The following DAB2IP variants were observed in gnomAD, a reference collection of about 807,000 sequenced individuals.
The protein encoded by DAB2IP is disabled homolog 2-interacting protein.
A neutral mutation model predicts 107.2 loss-of-function variants in DAB2IP; 28 were observed. The ratio of observed to expected loss-of-function variants is 0.26; its 90% CI spans 0.19 to 0.36. The LOEUF (loss-of-function observed/expected upper bound fraction) is 0.36, where lower values mean the gene tolerates loss of function less well. Ranked by LOEUF, DAB2IP falls within the 10% of genes least tolerant of loss-of-function variation. DAB2IP has a pLI of 1.00. For synonymous variants in DAB2IP, 755 were observed against 706.4 expected, an observed-to-expected ratio of 1.07 and a Z score of -1.09; for missense variants, 1,400 against 1,644.7, an observed-to-expected ratio of 0.85 and a Z score of 2.57.
intron 1 of DAB2IP, among the ~76,000 whole-genome samples, chr9:121,620,418 T>A (rs758924738): frequency 6.6e-6 from 1 of 152,214 alleles, no homozygotes; most frequent in Non-Finnish European, 1.5e-5. Context: ...CTCTGGAGTC[T>A]GAATGGGTTT....
In DAB2IP at chr9:121,736,096, G is replaced by A. The variant is rs755979176; in HGVS notation, c.363-20917G>A. ...AGCTTAGGCTGTCTAGACCCAAGTC[G>A]GGGTGGGGAGTCGGGTTAGGGGATC... On this transcript the variant is annotated intron_variant, in intron 3 of 15. Coordinates refer to ENST00000408936, the Ensembl canonical transcript of DAB2IP. The surrounding 1 kb of genome is among the most constrained non-coding windows in gnomAD (Gnocchi z 4.6). Among the ~76,000 whole-genome samples, 4 of 152,250 alleles carry A rather than the reference G, an allele frequency of 2.6e-5. No homozygotes were observed. Among genetic ancestry groups the A allele is most frequent in the Non-Finnish European group, 4.4e-5 (3 of 68,056 alleles).
chr9:121,691,458 T>C (rs577886090), intron 2 of DAB2IP, among the ~76,000 whole-genome samples: 21 of 145,600 alleles, frequency 1.4e-4, no homozygotes, highest in African/African-American at 4.4e-4. Flanking sequence ...AAGGAAGTGA[T>C]AGCAGTGAGC....
intron 1 of DAB2IP, among the ~76,000 whole-genome samples, chr9:121,593,246 T>C (rs1830452478): frequency 6.6e-6 from 1 of 152,002 alleles, no homozygotes; most frequent in African/African-American, 2.4e-5. Context: ...CCACTGTGCT[T>C]GGCTTCTCTT....
At chr9:121,724,932 G>A (rs534829112) in intron 3 of DAB2IP, among the ~76,000 whole-genome samples, 25 of 152,242 alleles carry the variant, frequency 1.6e-4, no homozygotes, top group African/African-American at 5.8e-4. Context: ...GAACCATGAG[G>A]GTCTGAGAGG....
exon 11 of DAB2IP, chr9:121,770,587 G>A (rs1834647904): frequency 6.2e-7 from 1 of 1,614,158 alleles, no homozygotes; most frequent in Non-Finnish European, 8.5e-7. Context: ...GGATCCTGAG[G>A]GACGTCCACA....
chr9:121,759,516 A>G (rs958097660), intron 5 of DAB2IP, among the ~76,000 whole-genome samples: 2 of 152,224 alleles, frequency 1.3e-5, no homozygotes, highest in Admixed American at 6.5e-5. Context: ...CTTAAGTTAC[A>G]GTACAGACCA....
At chr9:121,774,512 G>C in intron 13 of DAB2IP, 100 bp downstream of exon 13, 6 of 1,379,304 alleles carry the variant, frequency 4.4e-6, no homozygotes, top group Non-Finnish European at 4.8e-6. Context: ...GGGTGCTGCT[G>C]TCCTTGTGAA....
At chr9:121,749,572 A>C (rs1258724073) in intron 3 of DAB2IP, among the ~76,000 whole-genome samples, 1 of 152,168 alleles carries the variant, frequency 6.6e-6, no homozygotes, top group Non-Finnish European at 1.5e-5. Flanking sequence ...TTGGGACCAC[A>C]CAGGCTGGTG....
At chr9:121,585,474 A>C (rs1043579252) in intron 1 of DAB2IP, among the ~76,000 whole-genome samples, 1 of 152,230 alleles carries the variant, frequency 6.6e-6, no homozygotes, top group Non-Finnish European at 1.5e-5. Flanking sequence ...ACAGGGCTGC[A>C]CGAGGGTTTG....
intron 3 of DAB2IP, among the ~76,000 whole-genome samples, chr9:121,703,198 A>G (rs573154946): frequency 6.6e-6 from 1 of 152,338 alleles, no homozygotes; most frequent in Non-Finnish European, 1.5e-5. Context: ...GCAGGAATCA[A>G]TTCTGCCCCT....
At chr9:121,660,979 A>G (rs1833176265) in intron 1 of DAB2IP, among the ~76,000 whole-genome samples, 1 of 152,174 alleles carries the variant, frequency 6.6e-6, no homozygotes, top group African/African-American at 2.4e-5. Flanking sequence ...GGAGAAGTCC[A>G]GGGGTCGTCC....
chr9:121,652,954 A>G (rs1318736832), intron 1 of DAB2IP, among the ~76,000 whole-genome samples: 1 of 152,148 alleles, frequency 6.6e-6, no homozygotes, highest in East Asian at 1.9e-4. Flanking sequence ...AGCACTGTGC[A>G]GTCCAGGGCT....
chr9:121,737,534 G>A, intron 3 of DAB2IP: 5 of 985,432 alleles, frequency 5.1e-6, no homozygotes, highest in Non-Finnish European at 6.0e-6. Context: ...ACCACCCTTG[G>A]GAATGGGCCT....
rs1052094099 is a variant in DAB2IP, at chr9:121,736,666, G to C, written c.363-20347G>C. 6.6e-6 allele frequency among the ~76,000 whole-genome samples: 1 copy of C among 152,234 alleles called. No individual in the cohort carries two copies. The highest frequency in any genetic ancestry group is 2.1e-4 in the South Asian group (1 of 4,834). The stretch of plus-strand genomic sequence containing the variant: ...GAATGCTCTGGGAGCAGCGCTCGGG[G>C]GAGGTTACCTTGGCGCGCCCCCAAA... On this transcript the variant is annotated intron_variant, in intron 3 of 15. Transcript: ENST00000408936. The surrounding 1 kb of genome is among the most constrained non-coding windows in gnomAD (Gnocchi z 4.6).
rs370311137 is a variant in DAB2IP at position 121,684,853 on chromosome 9, C to T, written c.228+6072C>T. Among the ~76,000 whole-genome samples, 54 of 152,316 alleles carry T rather than the reference C, an allele frequency of 3.5e-4. 1 individual carries two copies. The highest frequency in any genetic ancestry group is 1.2e-3 in the African/African-American group (50 of 41,580). ...CCCAGGATACTTGCTGGGGCTCCCT[C>T]CACTGGCCCAGGCTGCTGTGGGTCC... is the stretch of plus-strand genomic sequence containing the variant. On this transcript the variant is annotated intron_variant, in intron 2 of 15. Coordinates refer to ENST00000408936, the Ensembl canonical transcript of DAB2IP. This position sits in a 1 kb window ranked among gnomAD's most constrained non-coding sequence, Gnocchi z 4.0.
At chr9:121,780,050 T>G (rs1001858740) in intron 14 of DAB2IP, among the ~76,000 whole-genome samples, 16 of 151,946 alleles carry the variant, frequency 1.1e-4, no homozygotes, top group African/African-American at 2.4e-4. Flanking sequence ...GGTTTGTTTG[T>G]TTGGTTGGTT....
In DAB2IP at chr9:121,659,740, G is replaced by A. The variant is rs574518683; in HGVS notation, c.124+7841G>A. Among the ~76,000 whole-genome samples, 5 of 152,234 alleles carry A rather than the reference G, an allele frequency of 3.3e-5. No homozygotes were observed. In the East Asian group the frequency reaches 9.7e-4, roughly 30 times the overall value. On this transcript the variant is annotated intron_variant, in intron 1 of 15. Transcript: ENST00000408936. ...ACCCGGGAGGCTGAGCTTGCAGTGAGCCGAGATCGCGCCACTGCACTCCAG... is the reference window on the plus strand; with the variant it reads ...ACCCGGGAGGCTGAGCTTGCAGTGAACCGAGATCGCGCCACTGCACTCCAG...
chr9:121,660,709 A>G (rs1449994875), intron 1 of DAB2IP, among the ~76,000 whole-genome samples: 2 of 152,112 alleles, frequency 1.3e-5, no homozygotes, highest in East Asian at 1.9e-4. Context: ...TCAGTAACCC[A>G]TTTTGATGCC....
Position 121,573,932 on chromosome 9 carries a change from C to G in DAB2IP, c.40+6704C>G, listed in dbSNP as rs376635684. 1.2e-4 allele frequency among the ~76,000 whole-genome samples: 18 copies of G among 152,206 alleles called. No individual in the cohort carries two copies. In the East Asian group the frequency reaches 3.1e-3, roughly 26 times the overall value. On this transcript the variant is annotated intron_variant, in intron 1 of 16. Transcript: ENST00000259371. ...TGTGCCTGTGGAAAATCCTCTCTCC[C>G]GGGGAGCGTTCACTGAAGCAGCTCA...
Sources: allele counts gnomAD v4.1 joint callset (sites outside exome capture counted in the v4.1 genomes callset), GRCh38; gene constraint gnomAD v4.1.1; non-coding constraint Gnocchi (gnomAD v3.1); transcripts MANE v1.5; gene names NCBI Gene and HGNC (gene_info 2026-07-23, HGNC 2026-07-21).